Variants in BACH2 observed in about 807,000 individuals in gnomAD.
BACH2 encodes BACH transcriptional regulator 2, also known as transcription regulator protein BACH2.
A neutral mutation model predicts 61.8 loss-of-function variants in BACH2; 5 were observed. The ratio of observed to expected loss-of-function variants is 0.08; its 90% CI spans 0.04 to 0.17. The LOEUF (loss-of-function observed/expected upper bound fraction) is 0.17. Among genes scored for constraint, BACH2 ranks in the 10% least tolerant of loss-of-function variants. The pLI is 1.00. For synonymous variants in BACH2, 446 were observed against 440.1 expected (o/e 1.01, Z -0.17); for missense variants, 824 against 1,091.1 (o/e 0.76, Z 3.45).
At chr6:90,023,018 A>G (rs1477798115) in intron 5 of BACH2, among the ~76,000 whole-genome samples, 1 of 152,254 alleles carries the variant, frequency 6.6e-6, no homozygotes, top group Non-Finnish European at 1.5e-5. Context: ...TTATATATTC[A>G]TATAACGGAA....
chr6:90,062,967 G>T (rs1400567049), intron 5 of BACH2: 15 of 977,642 alleles, frequency 1.5e-5, no homozygotes, highest in Non-Finnish European at 1.8e-5. Flanking sequence ...CTTTTACCTG[G>T]CAATTTGAAT....
intron 2 of BACH2, among the ~76,000 whole-genome samples, chr6:90,265,764 T>A (rs1771307719): frequency 6.6e-6 from 1 of 152,172 alleles, no homozygotes; most frequent in Non-Finnish European, 1.5e-5. Flanking sequence ...CTCTGCATTA[T>A]CAACTCATTT....
intron 3 of BACH2, among the ~76,000 whole-genome samples, chr6:90,217,463 T>C (rs1270646392): frequency 6.6e-6 from 1 of 152,184 alleles, no homozygotes. Context: ...TCTAAATAAA[T>C]GCAGAATTGA....
At chr6:90,058,681 A>C (rs1430203616) in intron 5 of BACH2, among the ~76,000 whole-genome samples, 2 of 152,280 alleles carry the variant, frequency 1.3e-5, no homozygotes, top group East Asian at 1.9e-4. Flanking sequence ...TCCTAAGCCA[A>C]AAGAACAAAG....
At chr6:90,151,921 C>CT (rs142172398) in intron 4 of BACH2, among the ~76,000 whole-genome samples, 5,881 of 152,244 alleles carry the variant, frequency 0.039, 144 homozygotes, top group Non-Finnish European at 0.057. Flanking sequence ...TTACTTTGTC[C>CT]TTTTTTCTGC....
At chr6:90,100,223 T>G (rs1053517137) in intron 4 of BACH2, among the ~76,000 whole-genome samples, 2 of 152,260 alleles carry the variant, frequency 1.3e-5, no homozygotes, top group African/African-American at 4.8e-5. Flanking sequence ...CTATTATGAA[T>G]AATGCTGCCA....
chr6:90,056,044 T>C (rs1396587911), intron 5 of BACH2, among the ~76,000 whole-genome samples: 2 of 152,152 alleles, frequency 1.3e-5, no homozygotes, highest in Admixed American at 6.5e-5. Flanking sequence ...CCATCAAGGC[T>C]AGGAAGAAAC....
intron 4 of BACH2, among the ~76,000 whole-genome samples, chr6:90,164,148 A>G (rs990730494): frequency 6.6e-6 from 1 of 152,220 alleles, no homozygotes; most frequent in Non-Finnish European, 1.5e-5. Flanking sequence ...AAAGATCAAC[A>G]ACATTGATAG....
intron 6 of BACH2, among the ~76,000 whole-genome samples, chr6:89,975,188 A>T (rs973893545): frequency 6.6e-6 from 1 of 152,226 alleles, no homozygotes; most frequent in Non-Finnish European, 1.5e-5. Context: ...GCAAAGCTTC[A>T]GATGCAGATT....
At chr6:90,124,818 C>T (rs1188673135) in intron 4 of BACH2, among the ~76,000 whole-genome samples, 2 of 152,146 alleles carry the variant, frequency 1.3e-5, no homozygotes, top group Non-Finnish European at 1.5e-5. Context: ...CAATTTTACG[C>T]ACACTGATCA....
intron 3 of BACH2, among the ~76,000 whole-genome samples, chr6:90,247,692 T>G (rs905200753): frequency 6.6e-6 from 1 of 152,194 alleles, no homozygotes; most frequent in Non-Finnish European, 1.5e-5. Context: ...TTATTCACCA[T>G]CATCCACCCT....
Position 89,979,683 on chromosome 6 carries a change from A to G in BACH2, c.244-27821T>C, listed in dbSNP as rs941686134. On this transcript the variant is annotated intron_variant, in intron 6 of 8. Transcript: ENST00000257749. ...TTTCTGTCTCTCATTGATGATAAAT[A>G]TCTGTTCATTGAACAAACCGAAACA... Among the ~76,000 whole-genome samples, 38 of 152,230 alleles carry G rather than the reference A, an allele frequency of 2.5e-4. 1 individual carries two copies. Among genetic ancestry groups the G allele is most frequent in the African/African-American group, 9.2e-4 (38 of 41,462 alleles).
At chr6:90,038,742 A>G (rs917634000) in intron 5 of BACH2, among the ~76,000 whole-genome samples, 2 of 152,016 alleles carry the variant, frequency 1.3e-5, no homozygotes, top group African/African-American at 4.8e-5. Context: ...TTTTTTACAC[A>G]GAAGTTTACA....
At chr6:90,089,466 A>T (rs74510565) in intron 4 of BACH2, among the ~76,000 whole-genome samples, 187 of 152,184 alleles carry the variant, frequency 1.2e-3, no homozygotes, top group African/African-American at 4.2e-3. Flanking sequence ...AGCAAATCAG[A>T]ACACCTTGGT....
chr6:89,961,344 C>CCACT (rs1358218784), intron 6 of BACH2, among the ~76,000 whole-genome samples: 1 of 152,002 alleles, frequency 6.6e-6, no homozygotes, highest in Non-Finnish European at 1.5e-5. Context: ...GAAAAGCATC[C>CCACT]CACTCACTGG....
At chr6:89,984,980 T>C (rs965482984) in intron 6 of BACH2, among the ~76,000 whole-genome samples, 1 of 152,214 alleles carries the variant, frequency 6.6e-6, no homozygotes, top group Non-Finnish European at 1.5e-5. Flanking sequence ...TGGGAAACAC[T>C]GGGAACCCAA....
intron 7 of BACH2, 28 bp from the exon 8 acceptor site, chr6:89,938,378 T>C (rs753477816): frequency 3.0e-5 from 47 of 1,579,650 alleles, no homozygotes; most frequent in Admixed American, 1.7e-4. Flanking sequence ...AGAAAATGAT[T>C]ATGGCAGCTG....
At chr6:90,119,367 G>C (rs1429857048) in intron 4 of BACH2, among the ~76,000 whole-genome samples, 1 of 152,166 alleles carries the variant, frequency 6.6e-6, no homozygotes, top group Admixed American at 6.5e-5. Flanking sequence ...ACACAAATGA[G>C]AGTAATTCAC....
At position 89,950,252 on chromosome 6, in the gene BACH2, T is replaced by G; in HGVS notation, c.1836+18A>C. 1 of 1,613,926 alleles carries G rather than the reference T, an allele frequency of 6.2e-7. No homozygotes were observed. Among genetic ancestry groups the G allele is most frequent in the South Asian group, 1.1e-5 (1 of 91,064 alleles). On this transcript the variant is annotated intron_variant, in intron 7 of 8. Transcript: ENST00000257749. The surrounding 1 kb of genome is among the most constrained non-coding windows in gnomAD (Gnocchi z 5.3). ...CTAGAGAGTGGGTCACATGCTTGAA[T>G]TTATGTGGGTTCCCTACCTCCTGGC...
Sources: gnomAD v4.1 joint callset for allele counts (sites outside exome capture counted in the v4.1 genomes callset) on GRCh38, gnomAD v4.1.1 for gene constraint, Gnocchi (gnomAD v3.1) non-coding constraint, MANE v1.5 for transcripts, NCBI Gene and HGNC (gene_info 2026-07-23, HGNC 2026-07-21) for gene names.